The following CUBN variants were observed in gnomAD, a reference collection of about 807,000 sequenced individuals.
CUBN encodes cubilin.
Under a neutral mutation model 405.3 loss-of-function variants are expected in CUBN, and 282 were observed. The ratio of observed to expected loss-of-function variants is 0.70; its 90% CI spans 0.63 to 0.77. The LOEUF (loss-of-function observed/expected upper bound fraction) is 0.77, where lower values mean the gene tolerates loss of function less well. Ranked by LOEUF, CUBN falls within the 30% of genes least tolerant of loss-of-function variation. CUBN has a pLI of 0.00. For synonymous variants in CUBN, 1,684 were observed against 1,617.0 expected (o/e 1.04, Z -0.99); for missense variants, 4,514 against 4,475.2 (o/e 1.01, Z -0.25).
At chr10:16,936,936 C>T (rs1588498000) in intron 39 of CUBN, among the ~76,000 whole-genome samples, 1 of 152,130 alleles carries the variant, frequency 6.6e-6, no homozygotes, top group East Asian at 1.9e-4. Context: ...AGGCTAGTCT[C>T]GAACTCCCGA....
chr10:17,080,132 C>T lies in CUBN; in HGVS notation c.2301+4139G>A, dbSNP rs180764946. On this transcript the variant is annotated intron_variant, in intron 17 of 66. Transcript: ENST00000377833. ...ATCACATCTCACAGGTTTTGATACACAGCATTTCCTGTTTGTCATTTTCTA... is the reference window on the plus strand; with the variant it reads ...ATCACATCTCACAGGTTTTGATACATAGCATTTCCTGTTTGTCATTTTCTA... 2.6e-3 allele frequency among the ~76,000 whole-genome samples: 391 copies of T among 152,286 alleles called. 1 individual carries two copies. The highest frequency in any genetic ancestry group is 4.3e-3 in the Non-Finnish European group (295 of 68,010).
chr10:17,029,253 C>T (rs1185989172), intron 27 of CUBN, among the ~76,000 whole-genome samples: 1 of 152,214 alleles, frequency 6.6e-6, no homozygotes, highest in African/African-American at 2.4e-5. Context: ...TTAATGCAAT[C>T]ATACGAAAAT....
intron 63 of CUBN, among the ~76,000 whole-genome samples, chr10:16,835,501 TG>T (rs1412305860): frequency 6.6e-6 from 1 of 152,104 alleles, no homozygotes; most frequent in African/African-American, 2.4e-5. Context: ...CACGTTGAGG[TG>T]GAAGTAGCAT....
intron 10 of CUBN, 117 bp from the exon 11 acceptor site, chr10:17,105,692 T>C: frequency 1.4e-6 from 1 of 699,888 alleles, no homozygotes; most frequent in South Asian, 1.5e-5. Flanking sequence ...GTCTGTGTAT[T>C]TTGACGGGCA....
intron 17 of CUBN, among the ~76,000 whole-genome samples, chr10:17,078,076 T>C (rs1835889035): frequency 6.6e-6 from 1 of 152,136 alleles, no homozygotes; most frequent in Admixed American, 6.6e-5. Context: ...CTCCCCATCA[T>C]CATCATCATC....
chr10:17,042,318 C>G (rs1478453697), intron 26 of CUBN, among the ~76,000 whole-genome samples: 1 of 152,072 alleles, frequency 6.6e-6, no homozygotes, highest in African/African-American at 2.4e-5. Context: ...CATCACGTGC[C>G]TCGATGACTA....
chr10:16,897,673 GT>G (rs1380021102), intron 54 of CUBN, among the ~76,000 whole-genome samples: 1 of 152,108 alleles, frequency 6.6e-6, no homozygotes, highest in Non-Finnish European at 1.5e-5. Context: ...CTTTACAGGT[GT>G]TAAGTGGCTT....
chr10:16,986,195 T>TGA (rs1160582288), intron 29 of CUBN, among the ~76,000 whole-genome samples: 13 of 152,204 alleles, frequency 8.5e-5, no homozygotes, highest in African/African-American at 3.1e-4. Flanking sequence ...CAGCCATCCA[T>TGA]GTACAGGCAC....
In CUBN at chr10:16,990,518, G is replaced by A; in HGVS notation, c.4169-3C>T. ...CCCAGACAGCTCTCCACCACAACCT[G>A]TTAAAACAGAAAGGTTCAGTCAGTT... On this transcript the variant is annotated splice_polypyrimidine_tract_variant and splice_region_variant and intron_variant, in intron 28 of 66. Transcript: ENST00000377833. 6.2e-7 allele frequency: 1 copy of A among 1,614,030 alleles called. No individual in the cohort carries two copies. Among genetic ancestry groups the A allele is most frequent in the Non-Finnish European group, 8.5e-7 (1 of 1,179,972 alleles).
chr10:16,957,556 C>T (rs1843100986), intron 31 of CUBN, among the ~76,000 whole-genome samples: 1 of 152,160 alleles, frequency 6.6e-6, no homozygotes, highest in Non-Finnish European at 1.5e-5. Flanking sequence ...TGAAATACCA[C>T]TTAATCCCAA....
chr10:17,099,155 A>G (rs1836439847), intron 14 of CUBN, among the ~76,000 whole-genome samples: 1 of 152,216 alleles, frequency 6.6e-6, no homozygotes. Flanking sequence ...GCATCAGGAT[A>G]GATAAAAACA....
intron 14 of CUBN, among the ~76,000 whole-genome samples, chr10:17,088,722 T>A (rs1836184284): frequency 6.6e-6 from 1 of 152,254 alleles, no homozygotes; most frequent in Non-Finnish European, 1.5e-5. Flanking sequence ...CCAACCTCTG[T>A]GTGTTTCAGC....
At chr10:16,985,665 T>C (rs923959800) in intron 29 of CUBN, among the ~76,000 whole-genome samples, 2 of 152,220 alleles carry the variant, frequency 1.3e-5, no homozygotes, top group African/African-American at 4.8e-5. Context: ...GCATCTTGCC[T>C]GGGTTCCTGC....
intron 59 of CUBN, among the ~76,000 whole-genome samples, chr10:16,861,370 C>T (rs1240153214): frequency 2.6e-5 from 4 of 152,040 alleles, no homozygotes; most frequent in African/African-American, 9.7e-5. Context: ...ACCATGTTGG[C>T]CAGGCTGGTC....
chr10:16,921,651 T>G (rs569846962), intron 43 of CUBN, among the ~76,000 whole-genome samples: 48 of 152,378 alleles, frequency 3.2e-4, no homozygotes, highest in Middle Eastern at 6.8e-3. Context: ...TTACTCTTCA[T>G]GTCATTCTTC....
intron 2 of CUBN, among the ~76,000 whole-genome samples, chr10:17,128,756 G>A (rs1226567772): frequency 6.6e-6 from 1 of 152,108 alleles, no homozygotes; most frequent in East Asian, 1.9e-4. Flanking sequence ...CACTAGGAAG[G>A]GGGAGGGAGG....
At chr10:17,094,769 A>C (rs1836336875) in intron 14 of CUBN, among the ~76,000 whole-genome samples, 1 of 151,966 alleles carries the variant, frequency 6.6e-6, no homozygotes, top group African/African-American at 2.4e-5. Flanking sequence ...GGTGTTCACA[A>C]ATTGAAAGAA....
rs765821242 is a variant in CUBN, at chr10:16,919,974, T to C, written c.6810A>G (p.Glu2270=). The change falls in exon 44 of 67, where the codon GAA becomes GAG. Residue 2270 remains glutamate, a synonymous_variant. Coordinates refer to ENST00000377833, the MANE Select transcript of CUBN (RefSeq NM_001081.4). ...TGGAAGTGACATACTTGGGTGTTACTTCAATATCGAATCGATCTTCAAATT... is the reference window on the plus strand; with the variant it reads ...TGGAAGTGACATACTTGGGTGTTACCTCAATATCGAATCGATCTTCAAATT... The part of the protein sequence containing the change: ...QLQFEDRFDI[E]VTPNCTSNYL... 6.2e-7 allele frequency: 1 copy of C among 1,613,144 alleles called. No homozygotes were observed. Among genetic ancestry groups the C allele is most frequent in the South Asian group, 1.1e-5 (1 of 91,030 alleles).
At chr10:17,026,146 G>A (rs1441259353) in intron 27 of CUBN, among the ~76,000 whole-genome samples, 1 of 152,182 alleles carries the variant, frequency 6.6e-6, no homozygotes, top group Admixed American at 6.5e-5. Flanking sequence ...CATCTGCTCA[G>A]ATGTTCCCCA....
Sources: gnomAD v4.1 joint callset for allele counts (sites outside exome capture counted in the v4.1 genomes callset) on GRCh38, gnomAD v4.1.1 for gene constraint, MANE v1.5 for transcripts, NCBI Gene and HGNC (gene_info 2026-07-23, HGNC 2026-07-21) for gene names.